The following DOC2B variants were observed in gnomAD, a reference collection of about 807,000 sequenced individuals.
DOC2B encodes double C2-like domain-containing protein beta.
A neutral mutation model predicts 28.9 loss-of-function variants in DOC2B; 21 were observed. The ratio of observed to expected loss-of-function variants is 0.73; its 90% CI spans 0.52 to 1.05. DOC2B has a LOEUF of 1.05. DOC2B is among the 50% of genes least tolerant of loss of function. The pLI is 0.00. For synonymous variants in DOC2B, 194 were observed against 178.1 expected, an observed-to-expected ratio of 1.09 and a Z score of -0.71; for missense variants, 384 against 421.1, an observed-to-expected ratio of 0.91 and a Z score of 0.77.
chr17:153,605 G>A (rs769247415), intron 6 of DOC2B, among the ~76,000 whole-genome samples: 10 of 152,030 alleles, frequency 6.6e-5, no homozygotes, highest in Non-Finnish European at 1.2e-4. Flanking sequence ...GGAAGCTGAG[G>A]GATGAGAACT....
chr17:169,959 TAC>T (rs1344677827), intron 2 of DOC2B, among the ~76,000 whole-genome samples: 2 of 152,274 alleles, frequency 1.3e-5, no homozygotes, highest in South Asian at 2.1e-4. Flanking sequence ...ACCACACATG[TAC>T]ACACAGAGAC....
In DOC2B at chr17:143,644, C is replaced by G. The variant is rs2039998930; in HGVS notation, c.*3797G>C. On this transcript the variant is annotated 3_prime_UTR_variant, in exon 9 of 9. Coordinates refer to ENST00000613549, the MANE Select transcript of DOC2B (RefSeq NM_003585.5). ...ACTTACAGGCGTGAGCCACCGCCCC[C>G]ACCCCTTCAAATCTATTAAAAGGTG... 1 of 152,214 alleles carries G rather than the reference C, an allele frequency of 6.6e-6. No individual in the cohort carries two copies. Among genetic ancestry groups the G allele is most frequent in the East Asian group, 1.9e-4 (1 of 5,196 alleles). The allele number at this position is 152,214 out of a possible 1,614,324, so 9.4% of individuals were successfully genotyped here.
At chr17:172,984 G>T (rs2040329629) in intron 1 of DOC2B, among the ~76,000 whole-genome samples, 1 of 152,208 alleles carries the variant, frequency 6.6e-6, no homozygotes, top group African/African-American at 2.4e-5. Context: ...CCTCACCTGT[G>T]AAATGTCACA....
chr17:179,398 C>CAAAAAAAAAAAA (rs770987974), intron 1 of DOC2B, among the ~76,000 whole-genome samples: 8 of 139,032 alleles, frequency 5.8e-5, no homozygotes, highest in African/African-American at 1.9e-4. Flanking sequence ...TCAGAGACAG[C>CAAAAAAAAAAAA]AAAAAAAAGA....
intron 1 of DOC2B, among the ~76,000 whole-genome samples, chr17:175,690 A>C (rs928957021): frequency 1.3e-5 from 2 of 152,210 alleles, no homozygotes; most frequent in Admixed American, 1.3e-4. Context: ...GTGACACCCA[A>C]GTGTAAAAAT....
intron 6 of DOC2B, 95 bp downstream of exon 6, chr17:156,125 T>G: frequency 7.2e-7 from 1 of 1,382,188 alleles, no homozygotes; most frequent in South Asian, 1.4e-5. Context: ...AGGCACTCCC[T>G]GGGTGCCTGC....
chr17:159,216 C>T (rs2040171362), intron 5 of DOC2B, among the ~76,000 whole-genome samples: 1 of 151,990 alleles, frequency 6.6e-6, no homozygotes, highest in Admixed American at 6.6e-5. Flanking sequence ...AGAGGCCTGG[C>T]ACAGGGGCTC....
intron 2 of DOC2B, among the ~76,000 whole-genome samples, chr17:172,039 C>G (rs2040318043): frequency 6.6e-6 from 1 of 152,044 alleles, no homozygotes; most frequent in Non-Finnish European, 1.5e-5. Flanking sequence ...ACCCACAACC[C>G]CAGCCCACGT....
At chr17:151,889 G>A (rs977698270) in intron 6 of DOC2B, among the ~76,000 whole-genome samples, 3 of 152,182 alleles carry the variant, frequency 2.0e-5, no homozygotes, top group African/African-American at 4.8e-5. Context: ...TTCCGCCAGC[G>A]TTGCCCTCTG....
At chr17:168,653 C>G (rs76608457) in intron 2 of DOC2B, among the ~76,000 whole-genome samples, 7,831 of 86,222 alleles carry the variant, frequency 0.091, 471 homozygotes, top group East Asian at 0.15. Flanking sequence ...CACGAGATCT[C>G]ATGGTCTGAC....
chr17:178,914 G>T (rs1423343953), intron 1 of DOC2B, among the ~76,000 whole-genome samples: 2 of 152,346 alleles, frequency 1.3e-5, no homozygotes, highest in East Asian at 3.9e-4. Flanking sequence ...CCAGAGGGGG[G>T]CACCGCCTGG....
intron 5 of DOC2B, among the ~76,000 whole-genome samples, chr17:159,170 A>G (rs559883648): frequency 6.6e-6 from 1 of 151,506 alleles, no homozygotes; most frequent in South Asian, 2.1e-4. Flanking sequence ...TAAAACAGAT[A>G]ATGTTCGCAG....
rs879162088 is a variant in DOC2B, at chr17:145,325, C to T, written c.*2116G>A. On this transcript the variant is annotated 3_prime_UTR_variant, in exon 9 of 9. Transcript: ENST00000613549. The stretch of plus-strand genomic sequence containing the variant: ...GGTACCGACCCCCAGAGAGAGAAAG[C>T]GGCAGTCAGAGGACCTGGGTTTGAG... The T allele has an allele frequency of 0.42, 64,347 of 152,076 alleles. 13,809 individuals are homozygous for T. The highest frequency in any genetic ancestry group is 0.46 in the Non-Finnish European group (31,243 of 68,032). 9.4% of individuals were successfully genotyped at this position (152,076 alleles called of 1,614,324 possible). A position where few individuals can be genotyped will look rare whatever the true frequency, so the allele number is the denominator to read the frequency against.
chr17:160,053 C>T lies in DOC2B; in HGVS notation c.765+1362G>A, dbSNP rs906619426. Among the ~76,000 whole-genome samples, 7 of 149,630 alleles carry T rather than the reference C, an allele frequency of 4.7e-5. 1 individual carries two copies. Among genetic ancestry groups the T allele is most frequent in the East Asian group, 3.9e-4 (2 of 5,074 alleles). On this transcript the variant is annotated intron_variant, in intron 5 of 8. Transcript: ENST00000613549. ...AGGCTGGAGTGCAACGGTGCAATCT[C>T]GGCTCACTGCAACCTCCGCCTCTCA...
At chr17:162,226 G>A in intron 3 of DOC2B, 36 bp from the exon 4 acceptor site, 5 of 1,472,922 alleles carry the variant, frequency 3.4e-6, no homozygotes, top group Non-Finnish European at 4.6e-6. Context: ...TAGCATCAAA[G>A]TGTGTATCAA....
rs1314237081 is a variant in DOC2B, at chr17:149,203, A to G, written c.924-11T>C. ...TCTGGCCTCAGGTATCTGGAATTAC[A>G]TCCAACGGACAGGCAGAGGATGGGG... On this transcript the variant is annotated splice_polypyrimidine_tract_variant and intron_variant, in intron 6 of 8. Coordinates refer to ENST00000613549, the MANE Select transcript of DOC2B (RefSeq NM_003585.5). The G allele has an allele frequency of 1.0e-5, 4 of 399,664 alleles. No homozygotes were observed. The highest frequency in any genetic ancestry group is 4.1e-5 in the African/African-American group (2 of 48,578). 24.8% of individuals were successfully genotyped at this position (399,664 alleles called of 1,614,324 possible).
At chr17:178,965 CCCA>C (rs758610201) in intron 1 of DOC2B, among the ~76,000 whole-genome samples, 7 of 152,218 alleles carry the variant, frequency 4.6e-5, no homozygotes, top group African/African-American at 2.4e-5. Context: ...AACCTGTTCC[CCCA>C]CCATGGACAA....
At chr17:150,708 T>C (rs2040063144) in intron 6 of DOC2B, among the ~76,000 whole-genome samples, 1 of 152,184 alleles carries the variant, frequency 6.6e-6, no homozygotes, top group African/African-American at 2.4e-5. Flanking sequence ...TGAAGACATA[T>C]GTCCACACAA....
chr17:157,477 T>C (rs2040149227), intron 5 of DOC2B, among the ~76,000 whole-genome samples: 1 of 152,202 alleles, frequency 6.6e-6, no homozygotes. Flanking sequence ...TAAATTTTGA[T>C]TTTGACAGAG....
Sources: allele counts gnomAD v4.1 joint callset (sites outside exome capture counted in the v4.1 genomes callset), GRCh38; gene constraint gnomAD v4.1.1; transcripts MANE v1.5; gene names NCBI Gene and HGNC (gene_info 2026-07-23, HGNC 2026-07-21).